Variants in BARD1 observed in about 807,000 individuals in gnomAD.
BARD1 encodes BRCA1 associated RING domain 1, also known as BRCA1-associated RING domain protein 1.
In BARD1, 73 loss-of-function variants were observed where a neutral mutation model predicts 77.0. The ratio of observed to expected loss-of-function variants is 0.95; its 90% CI spans 0.79 to 1.15. The LOEUF is 1.15. Ranked by LOEUF, BARD1 falls within the 50% of genes most tolerant of loss-of-function variation. BARD1 has a pLI of 0.00. For synonymous variants in BARD1, 384 were observed against 338.0 expected (o/e 1.14, Z -1.49); for missense variants, 993 against 938.8 (o/e 1.06, Z -0.75).
In BARD1 at chr2:214,726,900, C is replaced by T. The variant is rs1692107563; in HGVS notation, c.*1776G>A. ...CTAAGAGACCTCATAGGTGTCTTTACAATCAGGAATTCAGATGCAAGGAAC... is the reference window on the plus strand; with the variant it reads ...CTAAGAGACCTCATAGGTGTCTTTATAATCAGGAATTCAGATGCAAGGAAC... On this transcript the variant is annotated 3_prime_UTR_variant, in exon 11 of 11. Transcript: ENST00000260947. 1 of 228,910 alleles carries T rather than the reference C, an allele frequency of 4.4e-6. No individual in the cohort carries two copies. The highest frequency in any genetic ancestry group is 8.7e-6 in the Non-Finnish European group (1 of 115,344). The allele number at this position is 228,910 out of a possible 1,614,324, so 14.2% of individuals were successfully genotyped here.
At chr2:214,738,006 A>G (rs924242942) in intron 9 of BARD1, among the ~76,000 whole-genome samples, 6 of 152,182 alleles carry the variant, frequency 3.9e-5, no homozygotes, top group African/African-American at 1.2e-4. Context: ...CTTGGCTAAT[A>G]ATTTCCTTAC....
intron 6 of BARD1, among the ~76,000 whole-genome samples, chr2:214,764,467 T>C (rs1694103491): frequency 6.6e-6 from 1 of 151,856 alleles, no homozygotes; most frequent in South Asian, 2.1e-4. Flanking sequence ...TGCAAAGACA[T>C]GTACAAAGGC....
chr2:214,802,439 T>C (rs540930949), intron 1 of BARD1, among the ~76,000 whole-genome samples: 4 of 152,342 alleles, frequency 2.6e-5, no homozygotes, highest in African/African-American at 7.2e-5. Flanking sequence ...TACAATATTT[T>C]AAACTTACTA....
intron 6 of BARD1, among the ~76,000 whole-genome samples, chr2:214,761,250 A>G (rs1693950105): frequency 6.6e-6 from 1 of 151,694 alleles, no homozygotes; most frequent in South Asian, 2.1e-4. Context: ...TTTCCAGAAG[A>G]CATTCTATTC....
At chr2:214,744,056 T>A (rs1692980612) in intron 9 of BARD1, among the ~76,000 whole-genome samples, 1 of 152,228 alleles carries the variant, frequency 6.6e-6, no homozygotes. Flanking sequence ...CTGTTCTATG[T>A]TAGCCATAGT....
At chr2:214,744,381 A>G (rs896642722) in intron 9 of BARD1, among the ~76,000 whole-genome samples, 15 of 152,260 alleles carry the variant, frequency 9.9e-5, no homozygotes, top group African/African-American at 3.1e-4. Context: ...GCAGGTAATC[A>G]TAAAGGAAAA....
chr2:214,747,899 A>T (rs9989785), intron 7 of BARD1, among the ~76,000 whole-genome samples: 26,479 of 151,558 alleles, frequency 0.17, 2,501 homozygotes, highest in Non-Finnish European at 0.22. Context: ...TAAAAAAATT[A>T]AAAAAGGAAA....
intron 5 of BARD1, among the ~76,000 whole-genome samples, chr2:214,768,158 CAA>C (rs1694305645): frequency 6.6e-6 from 1 of 152,256 alleles, no homozygotes; most frequent in African/African-American, 2.4e-5. Context: ...AGTAGGAATA[CAA>C]AAAGAGCTTG....
Position 214,728,684 on chromosome 2 carries a change from CAA to C in BARD1, c.2324_2325del (p.Leu775ArgfsTer19), listed in dbSNP as rs587782046. On this transcript the variant is annotated frameshift_variant, in exon 11 of 11. Transcript: ENST00000260947. LOFTEE classifies it high-confidence loss of function. ...TTCATCTGGTATAATATTCAGCTGT[CAA>C]GAGGAAGCAACTCAAAGGACATCAC... ...DCVMSFELLPLDS is the reference protein window; with the variant it reads ...DCVMSFELLPXDS The C allele has an allele frequency of 5.0e-6, 8 of 1,613,998 alleles. No individual in the cohort carries two copies. Among genetic ancestry groups the C allele is most frequent in the Non-Finnish European group, 6.8e-6 (8 of 1,180,020 alleles).
At chr2:214,737,915 T>C (rs571669314) in intron 9 of BARD1, among the ~76,000 whole-genome samples, 2 of 152,186 alleles carry the variant, frequency 1.3e-5, no homozygotes, top group South Asian at 2.1e-4. Flanking sequence ...ATCAGTTTAG[T>C]AGAAAGATGA....
At chr2:214,783,817 T>C (rs1353165978) in intron 3 of BARD1, among the ~76,000 whole-genome samples, 1 of 152,156 alleles carries the variant, frequency 6.6e-6, no homozygotes, top group African/African-American at 2.4e-5. Flanking sequence ...GCTAGCCATA[T>C]GCAGAAAACT....
chr2:214,730,893 A>G (rs1418577410), intron 9 of BARD1: 1 of 458,666 alleles, frequency 2.2e-6, no homozygotes, highest in South Asian at 1.6e-5. Flanking sequence ...ACAATAACCT[A>G]AACTGAGCAC....
intron 9 of BARD1, among the ~76,000 whole-genome samples, chr2:214,738,339 T>A (rs1416414154): frequency 6.6e-6 from 1 of 152,148 alleles, no homozygotes; most frequent in Non-Finnish European, 1.5e-5. Flanking sequence ...AGCAGCCCCA[T>A]TTCTAAAGTA....
intron 9 of BARD1, among the ~76,000 whole-genome samples, chr2:214,741,419 T>C (rs1407297880): frequency 6.6e-6 from 1 of 152,184 alleles, no homozygotes; most frequent in Non-Finnish European, 1.5e-5. Flanking sequence ...AATAGGTCAG[T>C]AGAAAACATT....
chr2:214,730,490 C>T lies in BARD1; in HGVS notation c.1922G>A (p.Arg641Gln), dbSNP rs752870879. 19 of 1,613,764 alleles carry T rather than the reference C, an allele frequency of 1.2e-5. No individual in the cohort carries two copies. The highest frequency in any genetic ancestry group is 2.2e-5 in the East Asian group (1 of 44,846). ...TTCTTCCTGTTCACATACTTTTCTTCGTAGACATGCTTTTACCCCTGACAA... is the reference window on the plus strand; with the variant it reads ...TTCTTCCTGTTCACATACTTTTCTTTGTAGACATGCTTTTACCCCTGACAA... ...LKFEWVKACLRRKVCEQEEKY... is the reference protein window; with the variant it reads ...LKFEWVKACLQRKVCEQEEKY... Residue 641 changes from arginine (R) to glutamine (Q), a missense_variant, in exon 10 of 11, where the codon CGA (arginine) becomes CAA (glutamine). Coordinates refer to ENST00000260947, the MANE Select transcript of BARD1 (RefSeq NM_000465.4).
intron 1 of BARD1, among the ~76,000 whole-genome samples, chr2:214,804,055 A>T (rs1696154386): frequency 6.6e-6 from 1 of 152,218 alleles, no homozygotes; most frequent in Non-Finnish European, 1.5e-5. Flanking sequence ...ATTTAATATT[A>T]GGCAAGACAG....
chr2:214,742,778 A>T (rs1365627152), intron 9 of BARD1, among the ~76,000 whole-genome samples: 1 of 152,224 alleles, frequency 6.6e-6, no homozygotes, highest in Non-Finnish European at 1.5e-5. Flanking sequence ...TATTCACAAG[A>T]ACTAGACTCA....
rs1553619249 is a variant in BARD1, at chr2:214,767,537, C to CA, written c.1512dup (p.Gly505TrpfsTer20). 6.2e-7 allele frequency: 1 copy of CA among 1,613,878 alleles called. No individual in the cohort carries two copies. Among genetic ancestry groups the CA allele is most frequent in the African/African-American group, 1.3e-5 (1 of 74,902 alleles). ...AACAGCTTGACTATATCCACATGCC[C>CA]ATTCTTGGCTGCATCGTGAAGTGGT... On this transcript the variant is annotated frameshift_variant, in exon 6 of 11. Coordinates refer to ENST00000260947, the MANE Select transcript of BARD1 (RefSeq NM_000465.4). LOFTEE classifies it high-confidence loss of function.
chr2:214,771,706 C>A (rs974323436), intron 4 of BARD1, among the ~76,000 whole-genome samples: 2 of 150,590 alleles, frequency 1.3e-5, no homozygotes, highest in East Asian at 1.9e-4. Flanking sequence ...CCAGCCTGGG[C>A]GACAGAGCGA....
Sources: allele counts gnomAD v4.1 joint callset (sites outside exome capture counted in the v4.1 genomes callset), GRCh38; gene constraint gnomAD v4.1.1; transcripts MANE v1.5; gene names NCBI Gene and HGNC (gene_info 2026-07-23, HGNC 2026-07-21).